MAST4: variants seen among roughly 807,000 people sequenced by gnomAD.
The protein encoded by MAST4 is microtubule associated serine/threonine kinase family member 4.
MAST4 carries 89 observed loss-of-function variants against 162.7 expected under a neutral mutation model. That is an observed-to-expected ratio of 0.55 (90% CI 0.46 to 0.65). The LOEUF is 0.65. Among genes scored for constraint, MAST4 ranks in the 30% least tolerant of loss-of-function variants. MAST4 has a pLI of 0.00. For missense variants in MAST4, 3,153 were observed against 3,374.0 expected (o/e 0.93, Z 1.62); for synonymous variants, 1,479 against 1,361.1 (o/e 1.09, Z -1.91).
At chr5:66,986,981 A>G (rs1403673734) in intron 4 of MAST4, among the ~76,000 whole-genome samples, 2 of 152,164 alleles carry the variant, frequency 1.3e-5, no homozygotes, top group Non-Finnish European at 2.9e-5. Flanking sequence ...TCAAAATCTT[A>G]AAGAAGTGTA....
At chr5:66,878,077 T>G (rs1761426499) in intron 3 of MAST4, among the ~76,000 whole-genome samples, 1 of 152,252 alleles carries the variant, frequency 6.6e-6, no homozygotes, top group African/African-American at 2.4e-5. Flanking sequence ...CAGCCTCCTG[T>G]TATCAAAGGA....
chr5:66,919,200 C>G (rs1255994250), intron 4 of MAST4, among the ~76,000 whole-genome samples: 2 of 151,724 alleles, frequency 1.3e-5, no homozygotes, highest in African/African-American at 4.8e-5. Context: ...ATGGCACTTT[C>G]TTGCATGTAT....
intron 1 of MAST4, among the ~76,000 whole-genome samples, chr5:66,712,562 G>A (rs1750560628): frequency 6.6e-6 from 1 of 152,146 alleles, no homozygotes; most frequent in South Asian, 2.1e-4. Context: ...CACATTAAAG[G>A]TCTTAATCTT....
At position 66,716,826 on chromosome 5, in the gene MAST4, G is replaced by A. The variant is rs1194641482; in HGVS notation, c.364-42883G>A. 2.6e-5 allele frequency among the ~76,000 whole-genome samples: 4 copies of A among 152,164 alleles called. No individual in the cohort carries two copies. In the East Asian group the frequency reaches 7.7e-4, roughly 29 times the overall value. ...CACCTTGACTACATTAACCATTGTA[G>A]TAGAGTACCATGACCAGAACTGATG... is the stretch of plus-strand genomic sequence containing the variant. On this transcript the variant is annotated intron_variant, in intron 1 of 28. Coordinates refer to ENST00000403625, the MANE Select transcript of MAST4 (RefSeq NM_001164664.2).
chr5:66,641,154 A>G (rs1468491431), intron 1 of MAST4, among the ~76,000 whole-genome samples: 1 of 151,942 alleles, frequency 6.6e-6, no homozygotes, highest in Non-Finnish European at 1.5e-5. Flanking sequence ...TGGTGTGCTC[A>G]TTATTAATTT....
At chr5:66,691,702 T>C (rs1468198893) in intron 1 of MAST4, among the ~76,000 whole-genome samples, 1 of 152,130 alleles carries the variant, frequency 6.6e-6, no homozygotes, top group Non-Finnish European at 1.5e-5. Flanking sequence ...CTCCCTGAGA[T>C]AGCTTTTATA....
intron 4 of MAST4, among the ~76,000 whole-genome samples, chr5:67,034,684 CTT>C (rs777939304): frequency 3.3e-5 from 5 of 152,132 alleles, no homozygotes; most frequent in Non-Finnish European, 7.4e-5. Flanking sequence ...ATGTGAGACA[CTT>C]TATATTCCAA....
intron 1 of MAST4, among the ~76,000 whole-genome samples, chr5:66,748,452 A>ACTCCCTCTCTCCCTCC (rs1752921748): frequency 2.9e-4 from 6 of 20,766 alleles, no homozygotes; most frequent in East Asian, 1.9e-3. Flanking sequence ...TCTCTCCCTC[A>ACTCCCTCTCTCCCTCC]CTCCCTCCTT....
intron 1 of MAST4, among the ~76,000 whole-genome samples, chr5:66,733,641 T>A (rs1479639696): frequency 6.6e-6 from 1 of 152,060 alleles, no homozygotes; most frequent in Non-Finnish European, 1.5e-5. Flanking sequence ...GTATTTTTAG[T>A]AGAGATGGGG....
At chr5:67,045,357 C>A (rs1186532909) in intron 4 of MAST4, among the ~76,000 whole-genome samples, 1 of 152,148 alleles carries the variant, frequency 6.6e-6, no homozygotes, top group African/African-American at 2.4e-5. Context: ...TGTCAGCCAC[C>A]AATGACACGT....
chr5:66,954,150 C>T (rs1745020442), intron 4 of MAST4, among the ~76,000 whole-genome samples: 1 of 152,168 alleles, frequency 6.6e-6, no homozygotes, highest in Admixed American at 6.5e-5. Flanking sequence ...CCACAACCCA[C>T]CCACCTCTAC....
chr5:66,925,568 CA>C, intron 4 of MAST4, among the ~76,000 whole-genome samples: 1 of 152,202 alleles, frequency 6.6e-6, no homozygotes, highest in East Asian at 1.9e-4. Flanking sequence ...CATTCTTAGC[CA>C]AGTTATGATT....
At chr5:66,986,731 C>T (rs1749553696) in intron 4 of MAST4, among the ~76,000 whole-genome samples, 1 of 151,576 alleles carries the variant, frequency 6.6e-6, no homozygotes, top group Non-Finnish European at 1.5e-5. Context: ...GTTGATCCTC[C>T]CACTTCCTGA....
At chr5:66,830,427 A>G (rs1445073333) in intron 3 of MAST4, among the ~76,000 whole-genome samples, 3 of 152,302 alleles carry the variant, frequency 2.0e-5, no homozygotes, top group South Asian at 4.1e-4. Context: ...GCTATTTTCT[A>G]TTTAAAATAT....
intron 1 of MAST4, among the ~76,000 whole-genome samples, chr5:66,661,659 C>A (rs528870432): frequency 6.6e-6 from 1 of 152,234 alleles, no homozygotes; most frequent in Non-Finnish European, 1.5e-5. Flanking sequence ...GTCTTTCATG[C>A]ATTTACCACA....
chr5:66,797,999 T>C (rs1382736719), intron 3 of MAST4, among the ~76,000 whole-genome samples: 4 of 152,210 alleles, frequency 2.6e-5, no homozygotes, highest in Non-Finnish European at 5.9e-5. Flanking sequence ...CCACCACTCA[T>C]GGTGATGCCA....
At chr5:66,655,560 A>C (rs1746492539) in intron 1 of MAST4, among the ~76,000 whole-genome samples, 1 of 152,228 alleles carries the variant, frequency 6.6e-6, no homozygotes, top group Non-Finnish European at 1.5e-5. Flanking sequence ...GCAGGAAACC[A>C]ATCTCAGGGT....
At chr5:66,862,829 AAGCTG>A (rs1760216021) in intron 3 of MAST4, among the ~76,000 whole-genome samples, 4 of 152,158 alleles carry the variant, frequency 2.6e-5, no homozygotes, top group Non-Finnish European at 5.9e-5. Flanking sequence ...ACAGATTCGG[AAGCTG>A]ATGTCCAGGA....
At chr5:67,014,962 A>G (rs1028953103) in intron 4 of MAST4, among the ~76,000 whole-genome samples, 5 of 152,186 alleles carry the variant, frequency 3.3e-5, no homozygotes, top group African/African-American at 1.2e-4. Context: ...GTCAAAGAGA[A>G]CAGATACTGA....
Sources: allele counts gnomAD v4.1 joint callset (sites outside exome capture counted in the v4.1 genomes callset), GRCh38; gene constraint gnomAD v4.1.1; transcripts MANE v1.5; gene names NCBI Gene and HGNC (gene_info 2026-07-23, HGNC 2026-07-21).